ANKRD30A: variants seen among roughly 807,000 people sequenced by gnomAD.
The protein encoded by ANKRD30A is ankyrin repeat domain-containing protein 30A.
ANKRD30A carries 170 observed loss-of-function variants against 166.3 expected under a neutral mutation model. That is an observed-to-expected ratio of 1.02 (90% CI 0.90 to 1.16). The LOEUF (loss-of-function observed/expected upper bound fraction) is 1.16, where lower values mean the gene tolerates loss of function less well. ANKRD30A is among the 50% of genes most tolerant of loss of function. The pLI, the probability that ANKRD30A is intolerant of heterozygous loss-of-function variation, is 0.00. For synonymous variants in ANKRD30A, 564 were observed against 508.9 expected (o/e 1.11, Z -1.46); for missense variants, 1,630 against 1,518.0 (o/e 1.07, Z -1.23).
intron 6 of ANKRD30A, among the ~76,000 whole-genome samples, chr10:37,138,303 C>G (rs1301812677): frequency 6.6e-6 from 1 of 152,128 alleles, no homozygotes; most frequent in African/African-American, 2.4e-5. Flanking sequence ...AAACTGGAAA[C>G]TCTAAAAATC....
chr10:37,230,672 A>C (rs1337885356), intron 34 of ANKRD30A, among the ~76,000 whole-genome samples: 1 of 152,112 alleles, frequency 6.6e-6, no homozygotes, highest in Non-Finnish European at 1.5e-5. Context: ...TTGGTAAATT[A>C]ACTTTCTTTG....
At chr10:37,141,591 AAAGAG>A in intron 6 of ANKRD30A, 122 bp from the exon 7 acceptor site, 2 of 1,325,026 alleles carry the variant, frequency 1.5e-6, no homozygotes, top group Non-Finnish European at 2.0e-6. Flanking sequence ...AAAAAAAAAA[AAAGAG>A]AAAAGAAAAG....
intron 25 of ANKRD30A, among the ~76,000 whole-genome samples, chr10:37,191,106 G>A (rs1056357957): frequency 4.6e-5 from 7 of 151,756 alleles, no homozygotes; most frequent in Non-Finnish European, 8.8e-5. Context: ...TTAAAAGTCT[G>A]TTGCAACTAA....
intron 34 of ANKRD30A, 108 bp downstream of exon 34, chr10:37,220,005 A>ATG (rs1033419096): frequency 6.2e-6 from 1 of 160,956 alleles, no homozygotes; most frequent in African/African-American, 2.6e-5. Flanking sequence ...ATATATATAT[A>ATG]TATATATATA....
chr10:37,158,312 T>A (rs1838540109), intron 13 of ANKRD30A, 80 bp from the exon 14 acceptor site: 4 of 1,518,712 alleles, frequency 2.6e-6, no homozygotes, highest in Non-Finnish European at 2.7e-6. Context: ...GGATTCATCT[T>A]CATGTTCACA....
intron 4 of ANKRD30A, among the ~76,000 whole-genome samples, 166 bp downstream of exon 4, chr10:37,132,512 G>T (rs1288369408): frequency 6.6e-6 from 1 of 152,148 alleles, no homozygotes; most frequent in African/African-American, 2.4e-5. Flanking sequence ...TCAACATAAA[G>T]AACAGTATAT....
chr10:37,130,348 C>A lies in ANKRD30A; in HGVS notation c.480C>A (p.Ser160=). The A allele has an allele frequency of 6.4e-7, 1 of 1,562,378 alleles. No homozygotes were observed. The highest frequency in any genetic ancestry group is 1.2e-5 in the South Asian group (1 of 83,818). Residue 160 remains serine, a synonymous_variant, in exon 3 of 36, where the codon TCC becomes TCA. Coordinates refer to ENST00000361713, the MANE Select transcript of ANKRD30A (RefSeq NM_052997.3). ...TGTCAGTGGTGGCAAAACTGCTGTCCCATGGTGCAGTCATCGAAGTGCACA... is the reference window on the plus strand; with the variant it reads ...TGTCAGTGGTGGCAAAACTGCTGTCACATGGTGCAGTCATCGAAGTGCACA... ...EILSVVAKLL[S]HGAVIEVHNK...
Position 37,147,366 on chromosome 10 carries a change from A to T in ANKRD30A, c.1456-4A>T. 1 of 1,565,998 alleles carries T rather than the reference A, an allele frequency of 6.4e-7. No homozygotes were observed. The highest frequency in any genetic ancestry group is 8.7e-7 in the Non-Finnish European group (1 of 1,153,688). ...AAATTATCTATTGATACTACTTTTA[A>T]CAGAGTCTCTTTGAGAGTTCTGCAA... is the stretch of plus-strand genomic sequence containing the variant. On this transcript the variant is annotated splice_region_variant and splice_polypyrimidine_tract_variant and intron_variant, in intron 8 of 35. Transcript: ENST00000361713.
At chr10:37,207,527 T>C (rs1842062483) in intron 31 of ANKRD30A, among the ~76,000 whole-genome samples, 1 of 152,018 alleles carries the variant, frequency 6.6e-6, no homozygotes, top group Non-Finnish European at 1.5e-5. Flanking sequence ...AATAGTTACA[T>C]ACTTACTTTT....
intron 34 of ANKRD30A, among the ~76,000 whole-genome samples, chr10:37,223,212 A>T (rs2132752742): frequency 6.6e-6 from 1 of 151,486 alleles, no homozygotes; most frequent in Admixed American, 6.6e-5. Flanking sequence ...CTCAGTTTAC[A>T]GTGGCATTAC....
At chr10:37,204,697 T>A (rs1341197229) in intron 31 of ANKRD30A, among the ~76,000 whole-genome samples, 1 of 151,004 alleles carries the variant, frequency 6.6e-6, no homozygotes, top group Admixed American at 6.6e-5. Flanking sequence ...CTTTTTGCAA[T>A]CTACCCATCT....
intron 19 of ANKRD30A, among the ~76,000 whole-genome samples, chr10:37,167,318 G>A (rs1367154437): frequency 6.9e-6 from 1 of 144,572 alleles, no homozygotes; most frequent in African/African-American, 2.7e-5. Flanking sequence ...GTGCATGTAT[G>A]TATGTTTTTG....
the ANKRD30A span, among the ~76,000 whole-genome samples, chr10:37,259,471 T>A: frequency 1.3e-5 from 2 of 152,194 alleles, no homozygotes; most frequent in African/African-American, 4.8e-5. Flanking sequence ...AATATATAAA[T>A]ATTTTAAGAC....
chr10:37,167,692 C>A (rs1331746912), intron 19 of ANKRD30A, among the ~76,000 whole-genome samples: 2 of 151,720 alleles, frequency 1.3e-5, no homozygotes, highest in Non-Finnish European at 2.9e-5. Context: ...GATGACTAAG[C>A]TAGAAATTAC....
chr10:37,248,151 G>C, the ANKRD30A span: 1 of 627,728 alleles, frequency 1.6e-6, no homozygotes, highest in South Asian at 1.4e-5. Context: ...CACTCTGGGA[G>C]TCTTCCAGAG....
downstream of ANKRD30A, among the ~76,000 whole-genome samples, chr10:37,234,953 C>A (rs891670043): frequency 3.3e-5 from 5 of 152,084 alleles, no homozygotes; most frequent in Non-Finnish European, 5.9e-5. Context: ...GCGCTTTTTC[C>A]ACAGTGTTGA....
intron 11 of ANKRD30A, 95 bp from the exon 12 acceptor site, chr10:37,151,965 C>G: frequency 8.8e-7 from 1 of 1,142,814 alleles, no homozygotes; most frequent in Non-Finnish European, 1.2e-6. Context: ...GAGGAAAAAC[C>G]ACAGATTCGT....
chr10:37,261,485 A>G, the ANKRD30A span, among the ~76,000 whole-genome samples: 1 of 152,206 alleles, frequency 6.6e-6, no homozygotes, highest in East Asian at 1.9e-4. Context: ...AGAATTAAAG[A>G]TGAATCATAA....
chr10:37,255,529 G>A, the ANKRD30A span, among the ~76,000 whole-genome samples: 1 of 152,164 alleles, frequency 6.6e-6, no homozygotes, highest in East Asian at 1.9e-4. Context: ...ATAAAATTCA[G>A]AGGCATTAAT....
Sources: gnomAD v4.1 joint callset for allele counts (sites outside exome capture counted in the v4.1 genomes callset) on GRCh38, gnomAD v4.1.1 for gene constraint, MANE v1.5 for transcripts, NCBI Gene and HGNC (gene_info 2026-07-23, HGNC 2026-07-21) for gene names.